Variants in PHF3 observed in about 807,000 individuals in gnomAD.
PHF3 encodes the protein PHD finger protein 3.
A neutral mutation model predicts 178.4 loss-of-function variants in PHF3; 41 were observed. The ratio of observed to expected loss-of-function variants is 0.23; its 90% CI spans 0.18 to 0.30. The LOEUF (loss-of-function observed/expected upper bound fraction) is 0.30, where lower values mean the gene tolerates loss of function less well. Ranked by LOEUF, PHF3 falls within the 10% of genes least tolerant of loss-of-function variation. The pLI, the probability that PHF3 is intolerant of heterozygous loss-of-function variation, is 1.00. For missense variants in PHF3, 2,346 were observed against 2,398.1 expected, an observed-to-expected ratio of 0.98 and a Z score of 0.45; for synonymous variants, 842 against 800.5, an observed-to-expected ratio of 1.05 and a Z score of -0.88.
chr6:63,716,135 G>T lies in PHF3; in HGVS notation c.*2427G>T, dbSNP rs1278675367. Among the ~76,000 whole-genome samples, 1 of 152,118 alleles carries T rather than the reference G, an allele frequency of 6.6e-6. No individual in the cohort carries two copies. The highest frequency in any genetic ancestry group is 1.9e-4 in the East Asian group (1 of 5,198). ...AGGCATCCCTGGTTTTGAGCACTTA[G>T]TATAAACATTGGTCAACTCAAAGGT... On this transcript the variant is annotated 3_prime_UTR_variant, in exon 16 of 16. Coordinates refer to ENST00000262043, the MANE Select transcript of PHF3 (RefSeq NM_001370348.2).
rs1296716971 is a variant in PHF3 at position 63,672,283 on chromosome 6, T to C, written c.245-7717T>C. 3.3e-5 allele frequency among the ~76,000 whole-genome samples: 5 copies of C among 152,100 alleles called. No individual in the cohort carries two copies. The East Asian group carries it at 9.6e-4, about 29-fold the overall frequency. ...TAATATTTAAACAATTAGGAAGCAATCCATAAAGTATTCTCCCCTTCTCCA... is the reference window on the plus strand; with the variant it reads ...TAATATTTAAACAATTAGGAAGCAACCCATAAAGTATTCTCCCCTTCTCCA... On this transcript the variant is annotated intron_variant, in intron 2 of 15. Coordinates refer to ENST00000262043, the MANE Select transcript of PHF3 (RefSeq NM_001370348.2).
chr6:63,682,070 A>G (rs183067575), intron 3 of PHF3, among the ~76,000 whole-genome samples: 2 of 152,276 alleles, frequency 1.3e-5, no homozygotes, highest in Admixed American at 6.5e-5. Context: ...ACAAATTTCA[A>G]TGTACTTTAC....
chr6:63,712,671 A>G lies in PHF3; in HGVS notation c.5083A>G (p.Ile1695Val), dbSNP rs368680703. 4 of 1,613,782 alleles carry G rather than the reference A, an allele frequency of 2.5e-6. No individual in the cohort carries two copies. The highest frequency in any genetic ancestry group is 3.4e-6 in the Non-Finnish European group (4 of 1,179,932). ...CAACAAGGAGCACTTAACAGAACAA[A>G]TCAATGTAGAGGAAAAGTTGTGTTC... Reference protein sequence around the residue: ...SHNKEHLTEQINVEEKLCSAE... With the variant: ...SHNKEHLTEQVNVEEKLCSAE... The change falls in exon 16 of 16, where the codon ATC becomes GTC. Residue 1695 changes from isoleucine to valine, a missense_variant. By Grantham distance (29) the Ile-to-Val change is conservative (BLOSUM62 3). Coordinates refer to ENST00000262043, the MANE Select transcript of PHF3 (RefSeq NM_001370348.2).
In PHF3 at chr6:63,717,800, A is replaced by C. The variant is rs1043031712; in HGVS notation, c.*4092A>C. On this transcript the variant is annotated 3_prime_UTR_variant, in exon 16 of 16. Coordinates refer to ENST00000262043, the MANE Select transcript of PHF3 (RefSeq NM_001370348.2). Reference sequence around the variant, plus strand: ...CCCAAGCTGTCTTTTAAAACTCCTTATTTTAAGATAATTTTGTCCTCAAAG... The same window carrying C: ...CCCAAGCTGTCTTTTAAAACTCCTTCTTTTAAGATAATTTTGTCCTCAAAG... 6.6e-6 allele frequency among the ~76,000 whole-genome samples: 1 copy of C among 152,126 alleles called. No homozygotes were observed. Among genetic ancestry groups the C allele is most frequent in the South Asian group, 2.1e-4 (1 of 4,830 alleles).
At chr6:63,702,418 T>G in intron 9 of PHF3, 90 bp from the exon 10 acceptor site, 1 of 851,562 alleles carries the variant, frequency 1.2e-6, no homozygotes, top group Non-Finnish European at 1.7e-6. Flanking sequence ...GGTGATTTGT[T>G]TATTTTTAGG....
chr6:63,700,254 CA>C, intron 8 of PHF3, 95 bp from the exon 9 acceptor site: 1 of 577,046 alleles, frequency 1.7e-6, no homozygotes, highest in Middle Eastern at 4.9e-4. Flanking sequence ...ATTTGTAAAT[CA>C]GTCTTCAAAA....
At chr6:63,697,576 A>G (rs928447355) in intron 6 of PHF3, among the ~76,000 whole-genome samples, 2 of 152,174 alleles carry the variant, frequency 1.3e-5, no homozygotes, top group African/African-American at 4.8e-5. Flanking sequence ...GTTGGCTTTG[A>G]GCAGGGTTGT....
intron 6 of PHF3, 77 bp from the exon 7 acceptor site, chr6:63,698,146 G>C: frequency 8.4e-7 from 1 of 1,191,554 alleles, no homozygotes; most frequent in Non-Finnish European, 1.2e-6. Context: ...AATCAGTTTT[G>C]TTTGTAAACT....
rs1766619506 is a variant in PHF3, at chr6:63,685,043, T to G, written c.1321T>G (p.Cys441Gly). The G allele has an allele frequency of 1.2e-6, 2 of 1,614,078 alleles. No homozygotes were observed. The highest frequency in any genetic ancestry group is 3.3e-5 in the Admixed American group (2 of 60,014). The change falls in exon 4 of 16, where the codon TGT becomes GGT. Residue 441 changes from cysteine (C) to glycine (G), a missense_variant. By Grantham distance (159) the Cys-to-Gly change is radical. Transcript: ENST00000262043. ...PESNILENAICDVPDQNSKQL... is the reference protein window; with the variant it reads ...PESNILENAIGDVPDQNSKQL... ...AAGTAATATCTTGGAAAATGCTATT[T>G]GTGATGTGCCTGACCAAAATTCAAA... is the stretch of plus-strand genomic sequence containing the variant.
At position 63,685,395 on chromosome 6, in the gene PHF3, T is replaced by A; in HGVS notation, c.1673T>A (p.Ile558Asn). 6.2e-7 allele frequency: 1 copy of A among 1,613,944 alleles called. No homozygotes were observed. The highest frequency in any genetic ancestry group is 8.5e-7 in the Non-Finnish European group (1 of 1,179,988). ...RKKQIDKEPK[I>N]QSCNSGVKSV... ...AAACAAATTGATAAGGAGCCAAAGATTCAGAGTTGCAATTCTGGGGTTAAA... is the reference window on the plus strand; with the variant it reads ...AAACAAATTGATAAGGAGCCAAAGAATCAGAGTTGCAATTCTGGGGTTAAA... The change falls in exon 4 of 16, where the codon ATT (isoleucine) becomes AAT (asparagine). Residue 558 changes from isoleucine to asparagine, a missense_variant. By Grantham distance (149) the Ile-to-Asn change is moderately radical (BLOSUM62 -3). Around this residue, in one of 8 missense-constraint regions of PHF3, gnomAD observed 843 missense variants for 795.2 expected, o/e 1.06. Coordinates refer to ENST00000262043, the MANE Select transcript of PHF3 (RefSeq NM_001370348.2).
chr6:63,715,551 G>T lies in PHF3; in HGVS notation c.*1843G>T, dbSNP rs570959086. ...TGAAAGTAAAAACGAGTGGGTTAATGAATGAAAACAAGCTTTTAGGTCAGT... is the reference window on the plus strand; with the variant it reads ...TGAAAGTAAAAACGAGTGGGTTAATTAATGAAAACAAGCTTTTAGGTCAGT... On this transcript the variant is annotated 3_prime_UTR_variant, in exon 16 of 16. Transcript: ENST00000262043. 6.6e-6 allele frequency: 1 copy of T among 152,246 alleles called. No individual in the cohort carries two copies. The highest frequency in any genetic ancestry group is 6.5e-5 in the Admixed American group (1 of 15,270). The allele number at this position is 152,246 out of a possible 1,614,324, so 9.4% of individuals were successfully genotyped here. A position where few individuals can be genotyped will look rare whatever the true frequency, so the allele number is the denominator to read the frequency against.
chr6:63,661,622 G>T (rs927987039), intron 2 of PHF3, among the ~76,000 whole-genome samples: 1 of 152,180 alleles, frequency 6.6e-6, no homozygotes, highest in East Asian at 1.9e-4. Context: ...CTAACATCAT[G>T]GTCTGACTGA....
At chr6:63,699,251 A>G (rs1244065351) in intron 8 of PHF3, among the ~76,000 whole-genome samples, 3 of 152,202 alleles carry the variant, frequency 2.0e-5, no homozygotes, top group Non-Finnish European at 4.4e-5. Context: ...ACAATAAGCA[A>G]AAATCATGCC....
Position 63,700,486 on chromosome 6 carries a change from T to C in PHF3, c.3099+20T>C, listed in dbSNP as rs777567184. The C allele has an allele frequency of 5.7e-6, 7 of 1,234,870 alleles. No homozygotes were observed. The highest frequency in any genetic ancestry group is 3.0e-5 in the African/African-American group (2 of 66,792). The allele number at this position is 1,234,870 out of a possible 1,614,324, so 76.5% of individuals were successfully genotyped here. ...AGACATGTAAGATTATCTATAAATATGCATTTGACTATCAAAATCTATGTT... is the reference window on the plus strand; with the variant it reads ...AGACATGTAAGATTATCTATAAATACGCATTTGACTATCAAAATCTATGTT... On this transcript the variant is annotated intron_variant, in intron 9 of 15. Transcript: ENST00000262043.
chr6:63,696,970 C>T (rs749822520), intron 6 of PHF3, among the ~76,000 whole-genome samples: 9 of 151,456 alleles, frequency 5.9e-5, no homozygotes, highest in Middle Eastern at 3.4e-3. Flanking sequence ...AAACAAATGC[C>T]GTAGTAGTTA....
chr6:63,647,663 G>C (rs932178466), intron 2 of PHF3, among the ~76,000 whole-genome samples: 1 of 152,114 alleles, frequency 6.6e-6, no homozygotes, highest in Non-Finnish European at 1.5e-5. Flanking sequence ...ACTGAAGATA[G>C]TAATTTTCTG....
chr6:63,663,827 A>G (rs78115391), intron 2 of PHF3, among the ~76,000 whole-genome samples: 1,794 of 152,222 alleles, frequency 0.012, 30 homozygotes, highest in African/African-American at 0.041. Flanking sequence ...GACTAATTTC[A>G]CCTTTATTGC....
intron 2 of PHF3, 141 bp from the exon 3 acceptor site, chr6:63,679,859 T>A (rs1426285665): frequency 2.7e-6 from 2 of 741,996 alleles, no homozygotes; most frequent in Non-Finnish European, 4.7e-6. Flanking sequence ...CAATTTCACA[T>A]GTTAGAAAAT....
chr6:63,652,393 T>C (rs923440291), intron 2 of PHF3, among the ~76,000 whole-genome samples: 9 of 152,158 alleles, frequency 5.9e-5, no homozygotes, highest in Admixed American at 2.6e-4. Flanking sequence ...TGGATTGCTT[T>C]TTTGTTGTTG....
Sources: gnomAD v4.1 joint callset for allele counts (sites outside exome capture counted in the v4.1 genomes callset) on GRCh38, gnomAD v4.1.1 for gene constraint, gnomAD v4.1.1 regional missense constraint, MANE v1.5 for transcripts, NCBI Gene and HGNC (gene_info 2026-07-23, HGNC 2026-07-21) for gene names.